Variants in XKRX observed in about 807,000 individuals in gnomAD.
The protein encoded by XKRX is XK-related protein 2.
XKRX carries 11 observed loss-of-function variants against 22.4 expected under a neutral mutation model. That is an observed-to-expected ratio of 0.49 (90% CI 0.31 to 0.81). The LOEUF is 0.81. Ranked by LOEUF, XKRX falls within the 40% of genes least tolerant of loss-of-function variation. XKRX has a pLI of 0.05. For synonymous variants in XKRX, 114 were observed against 132.2 expected (o/e 0.86, Z 0.94); for missense variants, 320 against 336.5 (o/e 0.95, Z 0.38).
chrX:100,889,360 T>G, the XKRX span, among the ~76,000 whole-genome samples: 1 of 110,204 alleles, frequency 9.1e-6, no homozygotes, highest in Non-Finnish European at 1.9e-5. Context: ...GACTGTGTCC[T>G]TATAAAAAGG....
intron 2 of XKRX, among the ~76,000 whole-genome samples, chrX:100,917,679 A>AAAG (rs1363503795): frequency 1.3e-3 from 112 of 86,131 alleles, no homozygotes; most frequent in Non-Finnish European, 2.1e-3. Flanking sequence ...GAAAGAAAAG[A>AAAG]AAGAAAGAAA....
Position 100,913,586 on chromosome X carries a change from A to C in XKRX, c.*752T>G, listed in dbSNP as rs1286066215. The C allele has an allele frequency of 8.9e-6, 1 of 112,506 alleles. No homozygotes were observed. The highest frequency in any genetic ancestry group is 1.9e-5 in the Non-Finnish European group (1 of 53,256). 9.3% of individuals were successfully genotyped at this position (112,506 alleles called of 1,213,427 possible). A position where few individuals can be genotyped will look rare whatever the true frequency, so the allele number is the denominator to read the frequency against. ...AGGAAATCTCTGCTAATGAGGCACT[A>C]AGTGAGAGGCTTCACTTAACAATTC... On this transcript the variant is annotated 3_prime_UTR_variant, in exon 3 of 3. Transcript: ENST00000372956.
intron 1 of XKRX, among the ~76,000 whole-genome samples, chrX:100,927,343 C>A (rs1472576742): frequency 9.0e-6 from 1 of 111,062 alleles, no homozygotes; most frequent in African/African-American, 3.3e-5. Flanking sequence ...CCACACCCAG[C>A]TGATTTTTAG....
the XKRX span, among the ~76,000 whole-genome samples, chrX:100,941,892 C>CT: frequency 4.6e-3 from 486 of 105,322 alleles, 2 homozygotes; most frequent in Middle Eastern, 9.9e-3. Flanking sequence ...CGTTTCTTTT[C>CT]TTTTTTTTTT....
downstream of XKRX, among the ~76,000 whole-genome samples, chrX:100,912,604 G>A (rs1478069835): frequency 8.9e-6 from 1 of 112,001 alleles, no homozygotes; most frequent in Non-Finnish European, 1.9e-5. Context: ...CCCTAGGTCA[G>A]ATTGTTCACA....
chrX:100,958,476 A>T, the XKRX span, among the ~76,000 whole-genome samples: 9 of 112,054 alleles, frequency 8.0e-5, no homozygotes, highest in Non-Finnish European at 9.4e-5. Flanking sequence ...TTTCTAATAT[A>T]TTAATATATG....
chrX:100,937,112 T>A, the XKRX span, among the ~76,000 whole-genome samples: 2 of 108,296 alleles, frequency 1.8e-5, no homozygotes, highest in Non-Finnish European at 3.8e-5. Context: ...TGCCTCAGCC[T>A]CCTGAGTAGC....
upstream of XKRX, among the ~76,000 whole-genome samples, chrX:100,932,982 A>G (rs979075434): frequency 3.6e-5 from 4 of 110,324 alleles, no homozygotes; most frequent in Non-Finnish European, 5.7e-5. Context: ...CTGGGCAACA[A>G]AGTGAGACCC....
At chrX:100,958,510 T>C in the XKRX span, among the ~76,000 whole-genome samples, 1 of 112,241 alleles carries the variant, frequency 8.9e-6, no homozygotes, top group Non-Finnish European at 1.9e-5. Context: ...TGCATTACTA[T>C]AATACTTTGA....
Position 100,914,914 on chromosome X carries a change from C to T in XKRX, c.774G>A (p.Leu258=). The change falls in exon 3 of 3, where the codon CTG becomes CTA. Residue 258 remains leucine, a synonymous_variant. Coordinates refer to ENST00000372956, the MANE Select transcript of XKRX (RefSeq NM_212559.3). The part of the protein sequence containing the change: ...TLEITSRLLI[L]VLFSATLKLK... Reference sequence around the variant, plus strand: ...ATTTCAAAGTGGCTGAGAAGAGCACCAGAATCAGGAGGCGGGAAGTGATCT... The same window carrying T: ...ATTTCAAAGTGGCTGAGAAGAGCACTAGAATCAGGAGGCGGGAAGTGATCT... The T allele has an allele frequency of 8.3e-7, 1 of 1,211,646 alleles. No individual in the cohort carries two copies. Among genetic ancestry groups the T allele is most frequent in the Non-Finnish European group, 1.1e-6 (1 of 895,518 alleles).
At chrX:100,945,830 AAG>A in the XKRX span, among the ~76,000 whole-genome samples, 2 of 105,782 alleles carry the variant, frequency 1.9e-5, no homozygotes, top group African/African-American at 7.0e-5. Flanking sequence ...AAAAAAAAAA[AAG>A]AGATACAATT....
At chrX:100,939,580 C>T in the XKRX span, among the ~76,000 whole-genome samples, 2 of 111,736 alleles carry the variant, frequency 1.8e-5, no homozygotes, top group Non-Finnish European at 3.8e-5. Flanking sequence ...AGTGAAGCAG[C>T]AACCGGAAGT....
chrX:100,941,819 A>T, the XKRX span, among the ~76,000 whole-genome samples: 42 of 112,022 alleles, frequency 3.7e-4, no homozygotes, highest in East Asian at 1.1e-3. Context: ...TTAAACTCTG[A>T]TTCCCATTTC....
At chrX:100,898,334 A>G in the XKRX span, among the ~76,000 whole-genome samples, 1 of 109,487 alleles carries the variant, frequency 9.1e-6, no homozygotes, top group Middle Eastern at 4.7e-3. Context: ...CTCATTGTGG[A>G]TGTGTATTTT....
intron 2 of XKRX, among the ~76,000 whole-genome samples, chrX:100,919,020 A>G (rs967407094): frequency 6.3e-5 from 7 of 111,799 alleles, no homozygotes; most frequent in African/African-American, 2.3e-4. Flanking sequence ...TTTACTGAAG[A>G]AAACTATACA....
chrX:100,917,674 A>AAAGAAAGAAAGAAAGG (rs34196882), intron 2 of XKRX, among the ~76,000 whole-genome samples: 1 of 25,413 alleles, frequency 3.9e-5, no homozygotes, highest in African/African-American at 1.8e-4. Flanking sequence ...AGAAAGAAAG[A>AAAGAAAGAAAGAAAGG]AAAGAAAGAA....
At chrX:100,912,440 T>C (rs1012560326), downstream of XKRX, among the ~76,000 whole-genome samples, 2 of 111,707 alleles carry the variant, frequency 1.8e-5, no homozygotes, top group Non-Finnish European at 3.8e-5. Context: ...ATGCTAGCCA[T>C]GCCAAGAAAT....
chrX:100,933,276 G>C (rs1424533033), upstream of XKRX, among the ~76,000 whole-genome samples: 2 of 110,951 alleles, frequency 1.8e-5, no homozygotes, highest in African/African-American at 6.6e-5. Flanking sequence ...GAGGTCAGCA[G>C]TTCAAGACCA....
intron 2 of XKRX, among the ~76,000 whole-genome samples, chrX:100,917,686 G>GAAAAGAAAGAAAGA (rs773192046): frequency 1.1e-5 from 1 of 91,943 alleles, no homozygotes; most frequent in African/African-American, 4.6e-5. Context: ...AAGAAAGAAA[G>GAAAAGAAAGAAAGA]AAAGAAAGAA....
Sources: allele counts gnomAD v4.1 joint callset (sites outside exome capture counted in the v4.1 genomes callset), GRCh38; gene constraint gnomAD v4.1.1; transcripts MANE v1.5; gene names NCBI Gene and HGNC (gene_info 2026-07-23, HGNC 2026-07-21).